The following CSMD1 variants were observed in gnomAD, a reference collection of about 807,000 sequenced individuals.
CSMD1 encodes CUB and Sushi multiple domains 1.
In CSMD1, 213 loss-of-function variants were observed where a neutral mutation model predicts 417.5. The ratio of observed to expected loss-of-function variants is 0.51; its 90% confidence interval spans 0.46 to 0.57. The LOEUF is 0.57. Ranked by LOEUF, CSMD1 falls within the 20% of genes least tolerant of loss-of-function variation. The pLI is 0.00. For synonymous variants in CSMD1, 2,862 were observed against 1,736.8 expected (o/e 1.65, Z -16.11); for missense variants, 6,923 against 4,529.7 (o/e 1.53, Z -15.17).
chr8:3,195,367 C>T (rs1177826686), intron 33 of CSMD1, among the ~76,000 whole-genome samples: 7 of 151,982 alleles, frequency 4.6e-5, no homozygotes, highest in South Asian at 4.2e-4. Flanking sequence ...TGTTTTCAGG[C>T]GGATTGATTC....
intron 50 of CSMD1, among the ~76,000 whole-genome samples, chr8:3,041,838 C>T (rs73181731): frequency 0.13 from 19,396 of 152,182 alleles, 1,244 homozygotes; most frequent in African/African-American, 0.16. Flanking sequence ...CCCATGTAGC[C>T]GACAGTCTGT....
At chr8:4,348,953 A>G (rs1800932296) in intron 3 of CSMD1, among the ~76,000 whole-genome samples, 1 of 152,154 alleles carries the variant, frequency 6.6e-6, no homozygotes, top group Admixed American at 6.6e-5. Flanking sequence ...TGCCCTCAGA[A>G]TACTCTTGAA....
At chr8:3,720,264 C>G (rs976843207) in intron 6 of CSMD1, among the ~76,000 whole-genome samples, 2 of 152,084 alleles carry the variant, frequency 1.3e-5, no homozygotes, top group Non-Finnish European at 2.9e-5. Flanking sequence ...ATTGGCACAT[C>G]TTACCATTTA....
At chr8:4,358,283 G>C (rs1801548316) in intron 3 of CSMD1, among the ~76,000 whole-genome samples, 1 of 152,186 alleles carries the variant, frequency 6.6e-6, no homozygotes, top group African/African-American at 2.4e-5. Flanking sequence ...GTGGAGCGCG[G>C]CCATGGGCCA....
At chr8:4,925,723 A>AT (rs1324435536) in intron 1 of CSMD1, among the ~76,000 whole-genome samples, 1 of 151,714 alleles carries the variant, frequency 6.6e-6, no homozygotes, top group Non-Finnish European at 1.5e-5. Flanking sequence ...ATTTTTTTGT[A>AT]TTTTTAGTAG....
chr8:4,680,200 T>A (rs1167884006), intron 1 of CSMD1, among the ~76,000 whole-genome samples: 1 of 152,186 alleles, frequency 6.6e-6, no homozygotes, highest in Non-Finnish European at 1.5e-5. Context: ...CAGATCTAAT[T>A]GTGTTCTGCA....
intron 41 of CSMD1, among the ~76,000 whole-genome samples, chr8:3,122,616 T>C (rs949495312): frequency 6.6e-6 from 1 of 152,172 alleles, no homozygotes; most frequent in African/African-American, 2.4e-5. Flanking sequence ...TCTCATACTA[T>C]TCTCGTGATA....
At chr8:4,710,350 C>A (rs1242125518) in intron 1 of CSMD1, among the ~76,000 whole-genome samples, 1 of 147,782 alleles carries the variant, frequency 6.8e-6, no homozygotes, top group African/African-American at 2.5e-5. Context: ...ATTAATACTT[C>A]AATTATATAT....
intron 5 of CSMD1, among the ~76,000 whole-genome samples, chr8:3,968,520 C>A (rs1812847760): frequency 1.3e-5 from 2 of 150,234 alleles, no homozygotes; most frequent in Non-Finnish European, 3.0e-5. Flanking sequence ...AAGCAACATA[C>A]TGCAAATGCC....
chr8:4,244,803 A>C (rs1292536646), intron 3 of CSMD1, among the ~76,000 whole-genome samples: 1 of 152,188 alleles, frequency 6.6e-6, no homozygotes, highest in African/African-American at 2.4e-5. Flanking sequence ...TATGTATAAA[A>C]TATGTGTATA....
intron 1 of CSMD1, among the ~76,000 whole-genome samples, chr8:4,884,175 G>A (rs934719885): frequency 2.0e-4 from 30 of 151,986 alleles, no homozygotes; most frequent in African/African-American, 7.0e-4. Context: ...AAATTTGGTT[G>A]CCTTTTTATT....
chr8:3,689,380 G>A (rs890558671), intron 7 of CSMD1, among the ~76,000 whole-genome samples: 21 of 152,158 alleles, frequency 1.4e-4, no homozygotes, highest in African/African-American at 5.1e-4. Flanking sequence ...CATCAGAAAT[G>A]CCAGAGTCCC....
rs549936703 is a variant in CSMD1 at position 3,030,931 on chromosome 8, C to T, written c.7661-1418G>A. On this transcript the variant is annotated intron_variant, in intron 50 of 69. Coordinates refer to ENST00000635120, the MANE Select transcript of CSMD1 (RefSeq NM_033225.6). Reference sequence around the variant, plus strand: ...GTGGCTCTTTTTGATATCATCACAACAGTAACAATGAAGTCTAAAATGGGA... The same window carrying T: ...GTGGCTCTTTTTGATATCATCACAATAGTAACAATGAAGTCTAAAATGGGA... Among the ~76,000 whole-genome samples the T allele has an allele frequency of 4.6e-5, 7 of 152,056 alleles. No homozygotes were observed. In the East Asian group the frequency reaches 1.4e-3, roughly 29 times the overall value.
chr8:3,526,998 T>C (rs766970421), intron 10 of CSMD1, among the ~76,000 whole-genome samples: 2 of 152,058 alleles, frequency 1.3e-5, no homozygotes, highest in Non-Finnish European at 2.9e-5. Context: ...TATATCCTTT[T>C]CTGGTTGCCT....
chr8:3,655,997 G>C (rs1172576007), intron 7 of CSMD1, among the ~76,000 whole-genome samples: 2 of 152,124 alleles, frequency 1.3e-5, no homozygotes, highest in Non-Finnish European at 2.9e-5. Context: ...GAAAGGGTTG[G>C]TGAAATAAGT....
At chr8:4,450,496 G>A (rs1284102359) in intron 2 of CSMD1, among the ~76,000 whole-genome samples, 1 of 152,074 alleles carries the variant, frequency 6.6e-6, no homozygotes, top group Non-Finnish European at 1.5e-5. Context: ...TTATCTGCGT[G>A]TGGTGGTGCG....
At chr8:4,120,959 A>C (rs555947393) in intron 3 of CSMD1, among the ~76,000 whole-genome samples, 1 of 152,334 alleles carries the variant, frequency 6.6e-6, no homozygotes, top group African/African-American at 2.4e-5. Flanking sequence ...TACTTTTCTT[A>C]CATGGTCATG....
intron 5 of CSMD1, among the ~76,000 whole-genome samples, chr8:3,802,621 T>C (rs1800520256): frequency 6.6e-6 from 1 of 152,186 alleles, no homozygotes; most frequent in South Asian, 2.1e-4. Context: ...TATATAATTT[T>C]AAGCCTTTAG....
At chr8:4,964,322 G>A (rs868395600) in intron 1 of CSMD1, among the ~76,000 whole-genome samples, 4 of 151,780 alleles carry the variant, frequency 2.6e-5, no homozygotes, top group Middle Eastern at 3.4e-3. Context: ...AACACCAGCA[G>A]GGCAGCATGG....
Sources: gnomAD v4.1 joint callset for allele counts (sites outside exome capture counted in the v4.1 genomes callset) on GRCh38, gnomAD v4.1.1 for gene constraint, MANE v1.5 for transcripts, NCBI Gene and HGNC (gene_info 2026-07-23, HGNC 2026-07-21) for gene names.